The following DDR2 variants were observed in gnomAD, a reference collection of about 807,000 sequenced individuals.
DDR2 encodes the protein discoidin domain receptor tyrosine kinase 2, also known as discoidin domain-containing receptor 2.
A neutral mutation model predicts 94.9 loss-of-function variants in DDR2; 27 were observed. The observed-to-expected ratio is 0.28, with a 90% CI of 0.21 to 0.39. The LOEUF is 0.39. Ranked by LOEUF, DDR2 falls within the 10% of genes least tolerant of loss-of-function variation. The pLI is 1.00. For missense variants in DDR2, 783 were observed against 1,076.0 expected, an observed-to-expected ratio of 0.73 and a Z score of 3.81; for synonymous variants, 382 against 377.2, an observed-to-expected ratio of 1.01 and a Z score of -0.15.
intron 3 of DDR2, among the ~76,000 whole-genome samples, chr1:162,730,925 C>A (rs1355936330): frequency 6.6e-6 from 1 of 152,170 alleles, no homozygotes; most frequent in Non-Finnish European, 1.5e-5. Context: ...AGACCGTCTG[C>A]TAGTGCCAAA....
chr1:162,755,326 C>G, intron 6 of DDR2, 23 bp downstream of exon 6: 1 of 1,613,208 alleles, frequency 6.2e-7, no homozygotes, highest in Non-Finnish European at 8.5e-7. Context: ...CCCAGGAAGC[C>G]TATAGACTTT....
At chr1:162,719,263 A>G (rs1421021186) in intron 3 of DDR2, 118 bp downstream of exon 3, 18 of 1,552,358 alleles carry the variant, frequency 1.2e-5, no homozygotes, top group Non-Finnish European at 1.6e-5. Context: ...TTCTTTTTAA[A>G]TCTCCATGGT....
rs56351141 is a variant in DDR2 at position 162,759,823 on chromosome 1, C to T, written c.699C>T (p.Thr233=). The T allele has an allele frequency of 0.013, 20,384 of 1,614,036 alleles. 175 individuals carry two copies. Among genetic ancestry groups the T allele is most frequent in the Non-Finnish European group, 0.015 (17,785 of 1,180,006 alleles). Residue 233 remains threonine, a synonymous_variant, in exon 8 of 18, where the codon ACC becomes ACT. Transcript: ENST00000367921. ...YSMTEGLGQL[T]DGVSGLDDFT... ...TGACAGAAGGGCTAGGCCAATTGAC[C>T]GATGGTGTGTCTGGCCTGGACGATT...
chr1:162,733,255 T>A (rs1462797858), intron 3 of DDR2, among the ~76,000 whole-genome samples: 1 of 152,232 alleles, frequency 6.6e-6, no homozygotes, highest in Admixed American at 6.5e-5. Context: ...ACCTGACATT[T>A]AGGGCTTGGG....
At chr1:162,712,056 G>A (rs1372646875) in intron 2 of DDR2, among the ~76,000 whole-genome samples, 2 of 151,794 alleles carry the variant, frequency 1.3e-5, no homozygotes, top group African/African-American at 4.8e-5. Context: ...AATCATTTCA[G>A]CACTTATCTC....
chr1:162,644,008 T>G (rs1012339840), intron 1 of DDR2, among the ~76,000 whole-genome samples: 1 of 152,182 alleles, frequency 6.6e-6, no homozygotes, highest in African/African-American at 2.4e-5. Context: ...TTAAGAGATA[T>G]GATGCCTGTG....
chr1:162,714,972 C>A (rs1313246624), intron 2 of DDR2, among the ~76,000 whole-genome samples: 4 of 152,198 alleles, frequency 2.6e-5, no homozygotes, highest in Non-Finnish European at 4.4e-5. Flanking sequence ...GCTTTCCTAG[C>A]AGCTCCTTGA....
At chr1:162,730,909 C>T (rs901792625) in intron 3 of DDR2, among the ~76,000 whole-genome samples, 6 of 152,140 alleles carry the variant, frequency 3.9e-5, no homozygotes, top group Admixed American at 3.9e-4. Flanking sequence ...TAATTTTGTC[C>T]CGTAGAGACC....
intron 3 of DDR2, among the ~76,000 whole-genome samples, chr1:162,723,641 G>A (rs1049752437): frequency 1.3e-5 from 2 of 152,168 alleles, no homozygotes; most frequent in African/African-American, 4.8e-5. Context: ...AAAAACACAG[G>A]GGTGCTTGTT....
intron 2 of DDR2, among the ~76,000 whole-genome samples, chr1:162,694,167 G>A (rs1026462148): frequency 1.3e-5 from 2 of 152,044 alleles, no homozygotes; most frequent in African/African-American, 2.4e-5. Flanking sequence ...CTGCCTTCCC[G>A]TTTCCATTTT....
intron 3 of DDR2, among the ~76,000 whole-genome samples, chr1:162,735,978 A>T (rs1025047161): frequency 1.3e-5 from 2 of 152,192 alleles, no homozygotes; most frequent in African/African-American, 4.8e-5. Context: ...GTGTTTAGAG[A>T]TGCATTAAAG....
At chr1:162,756,070 T>C (rs1331427966) in intron 7 of DDR2, among the ~76,000 whole-genome samples, 1 of 152,126 alleles carries the variant, frequency 6.6e-6, no homozygotes, top group African/African-American at 2.4e-5. Context: ...AAACAGGACA[T>C]GTAGTCTGAC....
intron 3 of DDR2, among the ~76,000 whole-genome samples, chr1:162,726,113 G>C (rs767085628): frequency 1.3e-5 from 2 of 152,186 alleles, no homozygotes; most frequent in Non-Finnish European, 2.9e-5. Context: ...GGAAGAGTAA[G>C]AGAATATATG....
Position 162,780,466 on chromosome 1 carries a change from G to T in DDR2, c.*220G>T. ...AAGAACTAAAAAAGGAAAAAAAAAA[G>T]CCTAGGGCAGATACAATCTAGTAAA... is the stretch of plus-strand genomic sequence containing the variant. On this transcript the variant is annotated 3_prime_UTR_variant, in exon 18 of 18. Transcript: ENST00000367921. The T allele has an allele frequency of 1.7e-6, 1 of 577,694 alleles. No individual in the cohort carries two copies. Among genetic ancestry groups the T allele is most frequent in the Non-Finnish European group, 2.9e-6 (1 of 343,746 alleles). 35.8% of individuals were successfully genotyped at this position (577,694 alleles called of 1,614,324 possible). A position where few individuals can be genotyped will look rare whatever the true frequency, so the allele number is the denominator to read the frequency against.
intron 2 of DDR2, among the ~76,000 whole-genome samples, chr1:162,699,476 T>A (rs1311265396): frequency 6.6e-6 from 1 of 152,194 alleles, no homozygotes; most frequent in Admixed American, 6.5e-5. Context: ...TAGCAGTTGT[T>A]CCAGTTTGAG....
chr1:162,639,105 A>C (rs1433406803), intron 1 of DDR2, among the ~76,000 whole-genome samples: 2 of 152,144 alleles, frequency 1.3e-5, no homozygotes, highest in Non-Finnish European at 2.9e-5. Flanking sequence ...AGCTGGGATT[A>C]CAGACATGCA....
At chr1:162,771,004 T>C (rs1664240905) in intron 12 of DDR2, among the ~76,000 whole-genome samples, 1 of 152,248 alleles carries the variant, frequency 6.6e-6, no homozygotes. Context: ...CTACTTGAGT[T>C]ATCTATTTTT....
intron 3 of DDR2, among the ~76,000 whole-genome samples, chr1:162,727,928 C>G (rs1168163053): frequency 7.0e-6 from 1 of 143,472 alleles, no homozygotes; most frequent in Non-Finnish European, 1.5e-5. Context: ...AGGCCAGGAC[C>G]AAGAGCTAAG....
At position 162,671,686 on chromosome 1, in the gene DDR2, T is replaced by C. The variant is rs553129890; in HGVS notation, c.-28+16312T>C. ...GCCTTTCTAGCCCAATAAATTAAGC[T>C]CTTGTCTGGAATCTCTAGCTCCCTG... On this transcript the variant is annotated intron_variant, in intron 2 of 17. Transcript: ENST00000367921. Among the ~76,000 whole-genome samples, 20 of 152,242 alleles carry C rather than the reference T, an allele frequency of 1.3e-4. No individual in the cohort carries two copies. In the East Asian group the frequency reaches 3.9e-3, roughly 29 times the overall value.
Sources: gnomAD v4.1 joint callset for allele counts (sites outside exome capture counted in the v4.1 genomes callset) on GRCh38, gnomAD v4.1.1 for gene constraint, MANE v1.5 for transcripts, NCBI Gene and HGNC (gene_info 2026-07-23, HGNC 2026-07-21) for gene names.